The following PCDH15 variants were observed in gnomAD, a reference collection of about 807,000 sequenced individuals.
PCDH15 encodes the protein protocadherin-15.
PCDH15 carries 129 observed loss-of-function variants against 178.5 expected under a neutral mutation model. The observed-to-expected ratio is 0.72, with a 90% CI of 0.63 to 0.84. The LOEUF (loss-of-function observed/expected upper bound fraction) is 0.84, where lower values mean the gene tolerates loss of function less well. Ranked by LOEUF, PCDH15 falls within the 40% of genes least tolerant of loss-of-function variation. PCDH15 has a pLI of 0.00. For synonymous variants in PCDH15, 800 were observed against 732.0 expected (o/e 1.09, Z -1.50); for missense variants, 2,230 against 2,099.9 (o/e 1.06, Z -1.21).
At chr10:53,989,401 T>A (rs1206195560) in intron 21 of PCDH15, among the ~76,000 whole-genome samples, 1 of 152,216 alleles carries the variant, frequency 6.6e-6, no homozygotes, top group Non-Finnish European at 1.5e-5. Flanking sequence ...TCTGAATTGT[T>A]AATTCTAATA....
intron 1 of PCDH15, among the ~76,000 whole-genome samples, chr10:55,238,177 TC>T (rs1159145365): frequency 7.0e-6 from 1 of 143,708 alleles, no homozygotes; most frequent in East Asian, 2.1e-4. Flanking sequence ...AGACGGAGTC[TC>T]CCTCTGTCGC....
chr10:54,037,505 C>A (rs1363231083), intron 18 of PCDH15, among the ~76,000 whole-genome samples: 2 of 151,298 alleles, frequency 1.3e-5, no homozygotes, highest in African/African-American at 4.9e-5. Context: ...TTTTTTTAAG[C>A]CATAAAACAC....
chr10:54,029,917 G>A (rs1187325660), intron 18 of PCDH15, among the ~76,000 whole-genome samples: 1 of 151,998 alleles, frequency 6.6e-6, no homozygotes, highest in Non-Finnish European at 1.5e-5. Flanking sequence ...GAATATACTA[G>A]GATAAAACCT....
chr10:55,167,604 A>G (rs968045691), intron 1 of PCDH15, among the ~76,000 whole-genome samples: 12 of 152,140 alleles, frequency 7.9e-5, no homozygotes, highest in Non-Finnish European at 1.8e-4. Context: ...GTATCTTTCT[A>G]CTGTGTTTTG....
chr10:54,686,041 ATTT>A (rs66539612), intron 1 of PCDH15, among the ~76,000 whole-genome samples: 3 of 126,878 alleles, frequency 2.4e-5, no homozygotes, highest in Non-Finnish European at 3.2e-5. Context: ...AAGACAGCCA[ATTT>A]TTTTTTTTTT....
intron 2 of PCDH15, among the ~76,000 whole-genome samples, chr10:54,898,972 T>C (rs571986768): frequency 1.3e-5 from 2 of 152,310 alleles, no homozygotes; most frequent in Non-Finnish European, 2.9e-5. Flanking sequence ...TTGGAGATCA[T>C]GGAGACTGAA....
rs12267245 is a variant in PCDH15, at chr10:54,006,918, G to A, written c.2752-11153C>T. On this transcript the variant is annotated intron_variant, in intron 20 of 37. Coordinates refer to ENST00000644397, the MANE Select transcript of PCDH15 (RefSeq NM_001384140.1). ...CACTAAGACAGGCAAACACAACCAA[G>A]GGTCAATCTAGTCTCCCGTCTTCAC... Among the ~76,000 whole-genome samples, 526 of 152,128 alleles carry A rather than the reference G, an allele frequency of 3.5e-3. 2 individuals carry two copies. Among genetic ancestry groups the A allele is most frequent in the African/African-American group, 0.012 (500 of 41,518 alleles).
intron 2 of PCDH15, among the ~76,000 whole-genome samples, chr10:55,000,915 G>T (rs551422714): frequency 7.2e-5 from 11 of 152,190 alleles, no homozygotes; most frequent in African/African-American, 2.6e-4. Flanking sequence ...ATCTGATGGT[G>T]CTTTTTCCAG....
intron 2 of PCDH15, among the ~76,000 whole-genome samples, chr10:54,959,159 AAGG>A (rs1219152438): frequency 6.6e-6 from 1 of 151,828 alleles, no homozygotes; most frequent in Admixed American, 6.6e-5. Context: ...TGAAGAGAAA[AAGG>A]AGGAGGGGGA....
chr10:54,705,631 T>C (rs2095358198), intron 1 of PCDH15, among the ~76,000 whole-genome samples: 1 of 152,166 alleles, frequency 6.6e-6, no homozygotes. Context: ...ATACCATGAG[T>C]TGTTCTACAA....
At chr10:54,424,747 A>T (rs1305759885) in intron 3 of PCDH15, among the ~76,000 whole-genome samples, 1 of 151,664 alleles carries the variant, frequency 6.6e-6, no homozygotes. Context: ...TTCTGAGCAA[A>T]CTATCACAAG....
intron 30 of PCDH15, among the ~76,000 whole-genome samples, chr10:53,830,525 T>C (rs12250628): frequency 0.021 from 3,185 of 152,278 alleles, 116 homozygotes; most frequent in African/African-American, 0.07. Context: ...CAAGTCATTG[T>C]CTATAGAAAT....
At chr10:55,321,455 A>G (rs1290963213), upstream of PCDH15, among the ~76,000 whole-genome samples, 1 of 152,150 alleles carries the variant, frequency 6.6e-6, no homozygotes, top group Non-Finnish European at 1.5e-5. Context: ...TGGAGAATTT[A>G]CCCAACCTCA....
chr10:54,636,227 G>A (rs1057008425), intron 2 of PCDH15, among the ~76,000 whole-genome samples: 6 of 151,790 alleles, frequency 4.0e-5, no homozygotes, highest in African/African-American at 7.3e-5. Context: ...AATAAATGGC[G>A]CTTTTCTTAA....
chr10:54,972,442 A>G (rs965442912), intron 2 of PCDH15, among the ~76,000 whole-genome samples: 5 of 152,148 alleles, frequency 3.3e-5, no homozygotes, highest in Non-Finnish European at 5.9e-5. Flanking sequence ...CAGGAGACTT[A>G]GGCAGGAGAA....
chr10:54,122,002 TACACACACAC>T (rs57135050), intron 15 of PCDH15, among the ~76,000 whole-genome samples: 1 of 146,410 alleles, frequency 6.8e-6, no homozygotes, highest in Non-Finnish European at 1.5e-5. Flanking sequence ...CAAAGACACA[TACACACACAC>T]ACACACACAC....
intron 1 of PCDH15, among the ~76,000 whole-genome samples, chr10:54,770,621 T>C (rs1357476261): frequency 6.6e-6 from 1 of 152,068 alleles, no homozygotes; most frequent in African/African-American, 2.4e-5. Flanking sequence ...ACTCCAATTT[T>C]TGAAGTCTCC....
intron 2 of PCDH15, among the ~76,000 whole-genome samples, chr10:55,536,991 CT>C (rs1841592283): frequency 6.6e-6 from 1 of 151,590 alleles, no homozygotes; most frequent in African/African-American, 2.4e-5. Context: ...GATTTTTTTT[CT>C]GTCCTGTCCT....
intron 22 of PCDH15, among the ~76,000 whole-genome samples, chr10:53,960,734 A>G (rs2088207643): frequency 6.6e-6 from 1 of 152,188 alleles, no homozygotes; most frequent in Non-Finnish European, 1.5e-5. Context: ...CCTTTGGGTT[A>G]ATGCTAATTT....
Sources: allele counts gnomAD v4.1 joint callset (sites outside exome capture counted in the v4.1 genomes callset), GRCh38; gene constraint gnomAD v4.1.1; transcripts MANE v1.5; gene names NCBI Gene and HGNC (gene_info 2026-07-23, HGNC 2026-07-21).